The following RPGRIP1L variants were observed in gnomAD, a reference collection of about 807,000 sequenced individuals.
RPGRIP1L encodes protein fantom.
Under a neutral mutation model 160.4 loss-of-function variants are expected in RPGRIP1L, and 131 were observed. The ratio of observed to expected loss-of-function variants is 0.82; its 90% CI spans 0.71 to 0.94. The LOEUF (loss-of-function observed/expected upper bound fraction) is 0.94, where lower values mean the gene tolerates loss of function less well. Among genes scored for constraint, RPGRIP1L ranks in the 40% least tolerant of loss-of-function variants. The pLI is 0.00. For synonymous variants in RPGRIP1L, 510 were observed against 515.8 expected (o/e 0.99, Z 0.15); for missense variants, 1,522 against 1,535.8 (o/e 0.99, Z 0.15).
intron 15 of RPGRIP1L, among the ~76,000 whole-genome samples, chr16:53,649,569 C>T (rs1340655150): frequency 6.6e-6 from 1 of 152,140 alleles, no homozygotes; most frequent in Non-Finnish European, 1.5e-5. Flanking sequence ...TCTTTGGCAC[C>T]TTCCCATTTC....
Position 53,641,420 on chromosome 16 carries a change from T to A in RPGRIP1L, c.2739A>T (p.Ile913=), listed in dbSNP as rs1966214286. Residue 913 remains isoleucine, a synonymous_variant, in exon 18 of 27, where the codon ATA becomes ATT. Coordinates refer to ENST00000647211, the MANE Select transcript of RPGRIP1L (RefSeq NM_015272.5). ...QKHPAGTIHV[I]LKWKFAYLPP... The stretch of plus-strand genomic sequence containing the variant: ...GAAGGTAAGCAAATTTCCATTTCAA[T>A]ATAACATGGATGGTGCCAGCAGGAT... 6.2e-7 allele frequency: 1 copy of A among 1,613,850 alleles called. No homozygotes were observed. The highest frequency in any genetic ancestry group is 1.3e-5 in the African/African-American group (1 of 74,924).
At chr16:53,703,318 A>G (rs964760472) in intron 1 of RPGRIP1L, 9 of 152,228 alleles carry the variant, frequency 5.9e-5, no homozygotes, top group African/African-American at 2.2e-4. Context: ...TGAATAAATG[A>G]ATATCAGGTA....
At chr16:53,680,871 A>G (rs141595269) in intron 6 of RPGRIP1L, among the ~76,000 whole-genome samples, 2 of 152,128 alleles carry the variant, frequency 1.3e-5, no homozygotes, top group African/African-American at 4.8e-5. Context: ...GGAAGAGGAG[A>G]TGAGAGATGT....
At chr16:53,611,432 T>C (rs1159529172) in intron 24 of RPGRIP1L, among the ~76,000 whole-genome samples, 1 of 152,252 alleles carries the variant, frequency 6.6e-6, no homozygotes, top group Non-Finnish European at 1.5e-5. Flanking sequence ...TGATAATGTA[T>C]GGCAGACTGC....
Position 53,648,971 on chromosome 16 carries a change from A to G in RPGRIP1L, c.2297T>C (p.Met766Thr). ...AAAGCCAAATGAGCTTACCGACTGC[A>G]TATGCTCTGGCCCCTTAAAATTTGA... ...ITSNFKGPEH[M>T]QSLSQQAPKT... Residue 766 changes from methionine (M) to threonine (T), a missense_variant, in exon 16 of 27, where the codon ATG becomes ACG. Physicochemically the swap from Met to Thr is moderately conservative, Grantham distance 81 (BLOSUM62 -1). Coordinates refer to ENST00000647211, the MANE Select transcript of RPGRIP1L (RefSeq NM_015272.5). 4 of 1,613,930 alleles carry G rather than the reference A, an allele frequency of 2.5e-6. No individual in the cohort carries two copies. The highest frequency in any genetic ancestry group is 3.4e-6 in the Non-Finnish European group (4 of 1,179,846).
rs575573173 is a variant in RPGRIP1L, at chr16:53,614,867, G to A, written c.3617-3816C>T. On this transcript the variant is annotated intron_variant, in intron 24 of 26. Coordinates refer to ENST00000647211, the MANE Select transcript of RPGRIP1L (RefSeq NM_015272.5). Reference sequence around the variant, plus strand: ...GTCTCAAAAAGGATACAAACTGGTAGTCCAAATACTTTAGTTGATCTTCAG... The same window carrying A: ...GTCTCAAAAAGGATACAAACTGGTAATCCAAATACTTTAGTTGATCTTCAG... 1.9e-3 allele frequency among the ~76,000 whole-genome samples: 285 copies of A among 152,276 alleles called. 2 individuals carry two copies. The highest frequency in any genetic ancestry group is 6.1e-3 in the African/African-American group (254 of 41,564).
At chr16:53,650,549 C>A (rs1340279348) in intron 15 of RPGRIP1L, among the ~76,000 whole-genome samples, 1 of 151,962 alleles carries the variant, frequency 6.6e-6, no homozygotes, top group Non-Finnish European at 1.5e-5. Context: ...CAGAGTGAGA[C>A]CCTGGCTTAA....
chr16:53,688,335 G>C (rs1013510384), intron 4 of RPGRIP1L, among the ~76,000 whole-genome samples: 5 of 151,960 alleles, frequency 3.3e-5, no homozygotes, highest in African/African-American at 7.2e-5. Context: ...CCCAGTGTTT[G>C]TGATAAGGGT....
intron 22 of RPGRIP1L, among the ~76,000 whole-genome samples, chr16:53,627,605 A>G (rs1018101715): frequency 6.6e-6 from 1 of 152,136 alleles, no homozygotes; most frequent in Non-Finnish European, 1.5e-5. Context: ...TGGTTGTATC[A>G]TTCCCAAACA....
At chr16:53,624,685 TG>T (rs930410977) in intron 22 of RPGRIP1L, among the ~76,000 whole-genome samples, 3 of 152,170 alleles carry the variant, frequency 2.0e-5, no homozygotes, top group Non-Finnish European at 4.4e-5. Flanking sequence ...TGAATCTAGG[TG>T]GTAGGGTACT....
rs147331527 is a variant in RPGRIP1L, at chr16:53,656,535, G to A, written c.1636C>T (p.Leu546Phe). 1.5e-5 allele frequency: 25 copies of A among 1,613,904 alleles called. No homozygotes were observed. Among genetic ancestry groups the A allele is most frequent in the Non-Finnish European group, 2.1e-5 (25 of 1,179,956 alleles). ...KMENLQQDYELKVEQYVHLLD... is the reference protein window; with the variant it reads ...KMENLQQDYEFKVEQYVHLLD... ...AGATGAACATACTGTTCCACTTTGA[G>A]TTCATAATCTTGCTGCAAATTTTCC... The change falls in exon 14 of 27, where the codon CTC becomes TTC. Residue 546 changes from leucine to phenylalanine, a missense_variant. Coordinates refer to ENST00000647211, the MANE Select transcript of RPGRIP1L (RefSeq NM_015272.5).
intron 22 of RPGRIP1L, among the ~76,000 whole-genome samples, chr16:53,625,407 T>A: frequency 7.8e-6 from 1 of 128,026 alleles, no homozygotes; most frequent in East Asian, 3.1e-4. Flanking sequence ...CGCCTCAGCC[T>A]GGCGGCCGCC....
rs973841786 is a variant in RPGRIP1L, at chr16:53,622,320, C to T, written c.3331G>A (p.Ala1111Thr). 4.7e-5 allele frequency: 30 copies of T among 645,046 alleles called. No homozygotes were observed. Among genetic ancestry groups the T allele is most frequent in the Non-Finnish European group, 6.5e-5 (23 of 352,408 alleles). 40.0% of individuals were successfully genotyped at this position (645,046 alleles called of 1,614,324 possible). A position where few individuals can be genotyped will look rare whatever the true frequency, so the allele number is the denominator to read the frequency against. Residue 1111 changes from alanine to threonine, a missense_variant, in exon 23 of 27, where the codon GCG (alanine) becomes ACG (threonine). Coordinates refer to ENST00000647211, the MANE Select transcript of RPGRIP1L (RefSeq NM_015272.5). Reference protein sequence around the residue: ...ALSPGLGCSSAISAHCNFRLP... With the variant: ...ALSPGLGCSSTISAHCNFRLP... ...CGGAAGTTGCAGTGAGCTGAGATCG[C>T]GCTACTGCACCCCAGCCCGGGAGAC...
intron 19 of RPGRIP1L, among the ~76,000 whole-genome samples, chr16:53,640,662 G>A (rs577048459): frequency 6.6e-6 from 1 of 152,218 alleles, no homozygotes; most frequent in African/African-American, 2.4e-5. Context: ...ATATGGCAGA[G>A]AGAAAGTCGC....
chr16:53,658,738 T>G (rs1037734553), intron 11 of RPGRIP1L, 34 bp downstream of exon 11: 1 of 1,396,472 alleles, frequency 7.2e-7, no homozygotes, highest in Non-Finnish European at 1.0e-6. Context: ...ATAAAAATTC[T>G]GAGTTTTATT....
chr16:53,636,268 T>C (rs1965826090), intron 22 of RPGRIP1L, among the ~76,000 whole-genome samples, 171 bp downstream of exon 22: 1 of 152,186 alleles, frequency 6.6e-6, no homozygotes, highest in Admixed American at 6.6e-5. Context: ...AATGAAACCA[T>C]ACATAAAAAT....
intron 23 of RPGRIP1L, among the ~76,000 whole-genome samples, chr16:53,620,115 A>G (rs2150967302): frequency 6.6e-6 from 1 of 152,286 alleles, no homozygotes; most frequent in East Asian, 1.9e-4. Flanking sequence ...TAATTAGAAA[A>G]ACCTGAAAAT....
At chr16:53,641,198 T>G in intron 18 of RPGRIP1L, 82 bp from the exon 19 acceptor site, 1 of 1,508,464 alleles carries the variant, frequency 6.6e-7, no homozygotes, top group Non-Finnish European at 9.2e-7. Flanking sequence ...ATTATTATTT[T>G]TTTTTGGTGG....
chr16:53,692,856 T>A (rs924071070), intron 3 of RPGRIP1L, among the ~76,000 whole-genome samples: 1 of 152,186 alleles, frequency 6.6e-6, no homozygotes, highest in Non-Finnish European at 1.5e-5. Context: ...AATGCATAAA[T>A]GCACACATAT....
Sources: allele counts gnomAD v4.1 joint callset (sites outside exome capture counted in the v4.1 genomes callset), GRCh38; gene constraint gnomAD v4.1.1; transcripts MANE v1.5; gene names NCBI Gene and HGNC (gene_info 2026-07-23, HGNC 2026-07-21).